The following KLC1 variants were observed in gnomAD, a reference collection of about 807,000 sequenced individuals.
The protein encoded by KLC1 is kinesin light chain 1, also known as kinesin 2 60/70kDa.
In KLC1, 30 loss-of-function variants were observed where a neutral mutation model predicts 84.2. The observed-to-expected ratio is 0.36, with a 90% confidence interval of 0.27 to 0.48. The LOEUF (loss-of-function observed/expected upper bound fraction) is 0.48. Ranked by LOEUF, KLC1 falls within the 20% of genes least tolerant of loss-of-function variation. The probability of loss-of-function intolerance (pLI) is 0.99; values close to 1 mark genes in which losing one functional copy is unlikely to be tolerated. For synonymous variants in KLC1, 289 were observed against 293.3 expected, an observed-to-expected ratio of 0.99 and a Z score of 0.15; for missense variants, 499 against 805.4, an observed-to-expected ratio of 0.62 and a Z score of 4.60.
rs2082278540 is a variant in KLC1, at chr14:103,694,096, G to A, written c.1848+1671G>A. The A allele has an allele frequency of 2.0e-6, 2 of 984,822 alleles. No individual in the cohort carries two copies. The highest frequency in any genetic ancestry group is 2.4e-6 in the Non-Finnish European group (2 of 828,982). The allele number at this position is 984,822 out of a possible 1,614,324, so 61.0% of individuals were successfully genotyped here. A position where few individuals can be genotyped will look rare whatever the true frequency, so the allele number is the denominator to read the frequency against. On this transcript the variant is annotated intron_variant, in intron 15 of 16. Coordinates refer to ENST00000334553, the MANE Select transcript of KLC1 (RefSeq NM_001394837.1). The surrounding 1 kb of genome is among the most constrained non-coding windows in gnomAD (Gnocchi z 4.5). ...AAAGCCTGAAGCTTAGCGGACACTG[G>A]TCAGTGGGAAGTGAATTCCTTCCCA...
intron 3 of KLC1, among the ~76,000 whole-genome samples, chr14:103,658,541 C>T (rs768377029): frequency 4.0e-5 from 6 of 149,708 alleles, no homozygotes; most frequent in Non-Finnish European, 7.4e-5. Context: ...TCCCAAAGTG[C>T]TGGTATTCCA....
chr14:103,681,545 T>C lies in KLC1; in HGVS notation c.1650+2000T>C, dbSNP rs1293711331. On this transcript the variant is annotated intron_variant, in intron 13 of 16. Coordinates refer to ENST00000334553, the MANE Select transcript of KLC1 (RefSeq NM_001394837.1). ...CGCTATCTCGGCTCACTGCAACCTCTGCCTCCTGGTTCAAGCAATTCTCCT... is the reference window on the plus strand; with the variant it reads ...CGCTATCTCGGCTCACTGCAACCTCCGCCTCCTGGTTCAAGCAATTCTCCT... Among the ~76,000 whole-genome samples the C allele has an allele frequency of 3.3e-5, 5 of 151,982 alleles. No individual in the cohort carries two copies. In the South Asian group the frequency reaches 1.0e-3, roughly 32 times the overall value.
intron 13 of KLC1, among the ~76,000 whole-genome samples, chr14:103,680,545 T>C (rs931703144): frequency 1.3e-5 from 2 of 152,208 alleles, no homozygotes; most frequent in South Asian, 2.1e-4. Context: ...TTATAAAAAA[T>C]GTTAGTAGCA....
intron 1 of KLC1, among the ~76,000 whole-genome samples, chr14:103,631,491 T>C (rs1325130605): frequency 6.6e-6 from 1 of 152,242 alleles, no homozygotes; most frequent in African/African-American, 2.4e-5. Context: ...AAAACATACT[T>C]GTATAAAAAG....
intron 3 of KLC1, among the ~76,000 whole-genome samples, chr14:103,661,783 C>T (rs950713445): frequency 6.6e-6 from 1 of 152,078 alleles, no homozygotes; most frequent in Non-Finnish European, 1.5e-5. Context: ...ATTTGGTTCC[C>T]AAATAAGATT....
intron 14 of KLC1, among the ~76,000 whole-genome samples, chr14:103,689,729 T>C (rs2081980972): frequency 6.6e-6 from 1 of 152,236 alleles, no homozygotes; most frequent in African/African-American, 2.4e-5. Flanking sequence ...GCTTGCTGTT[T>C]GGCTGACTCC....
At chr14:103,642,260 A>G (rs1290489396) in intron 1 of KLC1, among the ~76,000 whole-genome samples, 1 of 152,038 alleles carries the variant, frequency 6.6e-6, no homozygotes, top group Non-Finnish European at 1.5e-5. Context: ...CACTAATCCC[A>G]CCGTGAGGGG....
chr14:103,673,221 A>G (rs185876479), intron 8 of KLC1, 34 bp downstream of exon 8: 6 of 1,592,128 alleles, frequency 3.8e-6, no homozygotes, highest in Admixed American at 3.7e-5. Context: ...GGAGGGGGCC[A>G]GGAGTGCTTT....
intron 11 of KLC1, 64 bp downstream of exon 11, chr14:103,675,820 C>T (rs2151725050): frequency 7.5e-7 from 1 of 1,335,472 alleles, no homozygotes; most frequent in Non-Finnish European, 1.1e-6. Context: ...TTGTGTTCTA[C>T]AGGGCAGCTT....
At chr14:103,651,674 C>G (rs1338531124) in intron 1 of KLC1, among the ~76,000 whole-genome samples, 3 of 152,212 alleles carry the variant, frequency 2.0e-5, no homozygotes, top group Admixed American at 6.5e-5. Context: ...CCGTGCTGCT[C>G]CTCTAGCCTT....
chr14:103,659,136 A>G (rs1483879322), intron 3 of KLC1, among the ~76,000 whole-genome samples: 4 of 151,034 alleles, frequency 2.6e-5, no homozygotes, highest in Admixed American at 6.6e-5. Flanking sequence ...TACCGCCACG[A>G]CTGGCTAATT....
Position 103,668,999 on chromosome 14 carries a change from C to A in KLC1, c.798-512C>A, listed in dbSNP as rs369834444. Among the ~76,000 whole-genome samples the A allele has an allele frequency of 4.6e-5, 7 of 151,208 alleles. No individual in the cohort carries two copies. The East Asian group carries it at 1.4e-3, about 30-fold the overall frequency. On this transcript the variant is annotated intron_variant, in intron 5 of 16. Transcript: ENST00000334553. ...TTCACCATGTTAGCCAGGATGGTCT[C>A]GATCTCCTGACCTCGTGATCTGCCC... is the stretch of plus-strand genomic sequence containing the variant.
chr14:103,665,215 G>GGATT (rs142226206), intron 5 of KLC1, among the ~76,000 whole-genome samples: 5 of 150,358 alleles, frequency 3.3e-5, no homozygotes, highest in African/African-American at 1.2e-4. Context: ...TCAAGATTTT[G>GGATT]GATTGATTGA....
At chr14:103,633,100 C>T (rs1456684843) in intron 1 of KLC1, among the ~76,000 whole-genome samples, 1 of 151,676 alleles carries the variant, frequency 6.6e-6, no homozygotes, top group Non-Finnish European at 1.5e-5. Flanking sequence ...CTCTGTCACC[C>T]AGGCTGGAAC....
chr14:103,692,008 G>C (rs1314661632), intron 14 of KLC1, among the ~76,000 whole-genome samples: 1 of 152,198 alleles, frequency 6.6e-6, no homozygotes, highest in East Asian at 1.9e-4. Context: ...GGGCTTAAGT[G>C]ATCCTCCTGC....
chr14:103,657,480 G>A (rs892619701), intron 2 of KLC1, 66 bp from the exon 3 acceptor site: 2 of 1,296,888 alleles, frequency 1.5e-6, no homozygotes, highest in Non-Finnish European at 2.2e-6. Context: ...CAGAATGTTC[G>A]CACGGGTGGG....
chr14:103,670,273 T>A lies in KLC1; in HGVS notation c.977T>A (p.Ile326Asn). 6.2e-7 allele frequency: 1 copy of A among 1,609,838 alleles called. No individual in the cohort carries two copies. Among genetic ancestry groups the A allele is most frequent in the Non-Finnish European group, 8.5e-7 (1 of 1,177,310 alleles). The change falls in exon 7 of 17, where the codon ATC becomes AAC. Residue 326 changes from isoleucine to asparagine, a missense_variant. Ile to Asn is a moderately radical substitution (Grantham distance 149). Coordinates refer to ENST00000334553, the MANE Select transcript of KLC1 (RefSeq NM_001394837.1). ...CCGTTGTGTAAAAGAGCTCTGGAAA[T>A]CCGAGAAAAGGTACAAAAGAAGGGG... ...AEPLCKRALE[I>N]REKVLGKDHP... is the part of the protein sequence containing the mutation.
At position 103,693,027 on chromosome 14, in the gene KLC1, G is replaced by A. The variant is rs573840458; in HGVS notation, c.1848+602G>A. 3.9e-4 allele frequency among the ~76,000 whole-genome samples: 60 copies of A among 152,316 alleles called. No homozygotes were observed. Among genetic ancestry groups the A allele is most frequent in the Non-Finnish European group, 6.9e-4 (47 of 68,026 alleles). Reference sequence around the variant, plus strand: ...TTGGTGTGGCTGTCAGTGGGTGGCCGGGTGCCTGTGGCTGCTCTAGAACCT... The same window carrying A: ...TTGGTGTGGCTGTCAGTGGGTGGCCAGGTGCCTGTGGCTGCTCTAGAACCT... On this transcript the variant is annotated intron_variant, in intron 15 of 16. Coordinates refer to ENST00000334553, the MANE Select transcript of KLC1 (RefSeq NM_001394837.1). The surrounding 1 kb of genome is among the most constrained non-coding windows in gnomAD (Gnocchi z 5.1).
In KLC1 at chr14:103,673,530, A is replaced by C. The variant is rs1595482843; in HGVS notation, c.1261+99A>C. 16 of 716,786 alleles carry C rather than the reference A, an allele frequency of 2.2e-5. No individual in the cohort carries two copies. The East Asian group carries it at 4.4e-4, about 20-fold the overall frequency. 44.4% of individuals were successfully genotyped at this position (716,786 alleles called of 1,614,324 possible). A position where few individuals can be genotyped will look rare whatever the true frequency, so the allele number is the denominator to read the frequency against. On this transcript the variant is annotated intron_variant, in intron 9 of 16. Transcript: ENST00000334553. Reference sequence around the variant, plus strand: ...TTAGTTACTGTTTATTAAGCACTTAACTTTGTACATCACTAAGCTAAATAG... The same window carrying C: ...TTAGTTACTGTTTATTAAGCACTTACCTTTGTACATCACTAAGCTAAATAG...
Sources: allele counts gnomAD v4.1 joint callset (sites outside exome capture counted in the v4.1 genomes callset), GRCh38; gene constraint gnomAD v4.1.1; non-coding constraint Gnocchi (gnomAD v3.1); transcripts MANE v1.5; gene names NCBI Gene and HGNC (gene_info 2026-07-23, HGNC 2026-07-21).